RALYL: variants seen among roughly 807,000 people sequenced by gnomAD.
RALYL encodes the protein RNA-binding Raly-like protein.
RALYL carries 29 observed loss-of-function variants against 35.1 expected under a neutral mutation model. The observed-to-expected ratio is 0.83, with a 90% CI of 0.61 to 1.13. RALYL has a LOEUF of 1.13. RALYL is among the 50% of genes most tolerant of loss of function. RALYL has a pLI of 0.00. For synonymous variants in RALYL, 120 were observed against 127.6 expected, an observed-to-expected ratio of 0.94 and a Z score of 0.40; for missense variants, 359 against 360.4, an observed-to-expected ratio of 1.00 and a Z score of 0.03.
At chr8:84,252,625 T>A (rs1442477783) in intron 1 of RALYL, among the ~76,000 whole-genome samples, 1 of 152,134 alleles carries the variant, frequency 6.6e-6, no homozygotes, top group Non-Finnish European at 1.5e-5. Context: ...CCTGTAGACA[T>A]TGCTTGCGTG....
At chr8:84,907,740 CAT>C (rs1366318174) in intron 8 of RALYL, among the ~76,000 whole-genome samples, 1 of 152,030 alleles carries the variant, frequency 6.6e-6, no homozygotes, top group Non-Finnish European at 1.5e-5. Context: ...TAAATTACCT[CAT>C]TATTTAAAAT....
chr8:84,716,553 C>G (rs1055286291), intron 2 of RALYL, among the ~76,000 whole-genome samples: 11 of 152,218 alleles, frequency 7.2e-5, no homozygotes, highest in Admixed American at 2.6e-4. Context: ...GAACTGTCCT[C>G]CAGAGCTATT....
chr8:84,661,700 T>C (rs1830957726), intron 2 of RALYL, among the ~76,000 whole-genome samples: 1 of 151,924 alleles, frequency 6.6e-6, no homozygotes, highest in Admixed American at 6.6e-5. Flanking sequence ...GTTACATGTG[T>C]ATACATGTGC....
chr8:84,828,370 T>C (rs1830147372), intron 4 of RALYL, among the ~76,000 whole-genome samples: 1 of 152,138 alleles, frequency 6.6e-6, no homozygotes, highest in Admixed American at 6.6e-5. Flanking sequence ...CTTAATAATA[T>C]TCTTTTGTAA....
intron 2 of RALYL, among the ~76,000 whole-genome samples, chr8:84,624,165 A>G (rs945503212): frequency 6.6e-6 from 1 of 152,210 alleles, no homozygotes; most frequent in African/African-American, 2.4e-5. Flanking sequence ...TTAGTTTTTC[A>G]AGGACAGCCC....
intron 2 of RALYL, among the ~76,000 whole-genome samples, chr8:84,631,890 C>A (rs1233621804): frequency 2.6e-5 from 4 of 151,930 alleles, no homozygotes; most frequent in Admixed American, 2.6e-4. Flanking sequence ...TTTTATTAAT[C>A]TAAATTGGCA....
At chr8:84,780,685 C>T (rs1353418427) in intron 3 of RALYL, among the ~76,000 whole-genome samples, 2 of 152,042 alleles carry the variant, frequency 1.3e-5, no homozygotes, top group East Asian at 3.8e-4. Flanking sequence ...TTTTTTTGTT[C>T]CTCAGCTTTT....
intron 3 of RALYL, among the ~76,000 whole-genome samples, chr8:84,788,831 G>T (rs563438645): frequency 6.6e-6 from 1 of 152,034 alleles, no homozygotes; most frequent in Non-Finnish European, 1.5e-5. Flanking sequence ...AGCTGAAGTC[G>T]TCTAATCTTC....
At chr8:84,696,117 T>C (rs751015648) in intron 2 of RALYL, among the ~76,000 whole-genome samples, 1 of 151,898 alleles carries the variant, frequency 6.6e-6, no homozygotes, top group Non-Finnish European at 1.5e-5. Context: ...TGAACAATCA[T>C]GTCTGTTTTT....
chr8:84,518,823 T>C (rs925036556), intron 1 of RALYL, among the ~76,000 whole-genome samples: 10 of 152,138 alleles, frequency 6.6e-5, no homozygotes, highest in Non-Finnish European at 2.9e-5. Flanking sequence ...TCTTAACTCC[T>C]GAGGGAGCTG....
intron 2 of RALYL, among the ~76,000 whole-genome samples, chr8:84,701,711 G>A (rs1018446382): frequency 1.3e-5 from 2 of 152,132 alleles, no homozygotes; most frequent in African/African-American, 4.8e-5. Context: ...GAGCTGAGAA[G>A]GCCTGTTCTG....
At chr8:84,471,426 TA>T (rs60961835) in intron 1 of RALYL, among the ~76,000 whole-genome samples, 1,543 of 124,520 alleles carry the variant, frequency 0.012, 18 homozygotes, top group African/African-American at 0.035. Context: ...GTACACAAAT[TA>T]AAAAAAAAAA....
At chr8:84,874,883 C>T (rs952758499) in intron 7 of RALYL, among the ~76,000 whole-genome samples, 10 of 152,112 alleles carry the variant, frequency 6.6e-5, no homozygotes, top group Admixed American at 5.9e-4. Flanking sequence ...TAGCAACACA[C>T]CCATGTACAG....
chr8:84,818,675 T>G (rs547700923), intron 4 of RALYL, among the ~76,000 whole-genome samples: 8 of 152,202 alleles, frequency 5.3e-5, no homozygotes, highest in Non-Finnish European at 1.0e-4. Context: ...CATTCAATGA[T>G]GTATACCTGC....
chr8:84,509,819 G>A (rs1319566018), intron 1 of RALYL, among the ~76,000 whole-genome samples: 3 of 152,130 alleles, frequency 2.0e-5, no homozygotes, highest in African/African-American at 7.2e-5. Flanking sequence ...TCAAAGATCA[G>A]TTGACTGTGT....
At chr8:84,388,346 G>A (rs996059361) in intron 1 of RALYL, among the ~76,000 whole-genome samples, 1 of 152,032 alleles carries the variant, frequency 6.6e-6, no homozygotes, top group African/African-American at 2.4e-5. Flanking sequence ...ATAGTCCTTT[G>A]GGTATATACG....
At chr8:84,513,283 TG>T (rs2057772528) in intron 1 of RALYL, among the ~76,000 whole-genome samples, 1 of 152,186 alleles carries the variant, frequency 6.6e-6, no homozygotes, top group Non-Finnish European at 1.5e-5. Context: ...TATAAATAAA[TG>T]CTATTGCTTT....
At chr8:84,535,082 G>A (rs542522732) in intron 2 of RALYL, among the ~76,000 whole-genome samples, 2 of 152,084 alleles carry the variant, frequency 1.3e-5, no homozygotes, top group South Asian at 4.2e-4. Flanking sequence ...TATTTGCATG[G>A]CACTTCATCA....
intron 2 of RALYL, among the ~76,000 whole-genome samples, chr8:84,721,276 T>C (rs1843856222): frequency 6.6e-6 from 1 of 152,006 alleles, no homozygotes; most frequent in Non-Finnish European, 1.5e-5. Context: ...GTTTCATTAC[T>C]GAGTACTGGT....
Sources: gnomAD v4.1 joint callset for allele counts (sites outside exome capture counted in the v4.1 genomes callset) on GRCh38, gnomAD v4.1.1 for gene constraint, MANE v1.5 for transcripts, NCBI Gene and HGNC (gene_info 2026-07-23, HGNC 2026-07-21) for gene names.